The following ANKIB1 variants were observed in gnomAD, a reference collection of about 807,000 sequenced individuals.
ANKIB1 encodes the protein ankyrin repeat and IBR domain containing 1.
ANKIB1 carries 43 observed loss-of-function variants against 122.1 expected under a neutral mutation model. The observed-to-expected ratio is 0.35, with a 90% CI of 0.28 to 0.45. The LOEUF is 0.45. ANKIB1 is among the 20% of genes least tolerant of loss of function. ANKIB1 has a pLI of 1.00. For synonymous variants in ANKIB1, 390 were observed against 442.0 expected, an observed-to-expected ratio of 0.88 and a Z score of 1.48; for missense variants, 992 against 1,329.5, an observed-to-expected ratio of 0.75 and a Z score of 3.95.
At chr7:92,347,042 T>A (rs1167157847) in intron 7 of ANKIB1, among the ~76,000 whole-genome samples, 1 of 152,216 alleles carries the variant, frequency 6.6e-6, no homozygotes, top group Non-Finnish European at 1.5e-5. Context: ...ATTATCACAG[T>A]GTTTTTATAG....
At chr7:92,342,578 A>T (rs1298671598) in intron 5 of ANKIB1, among the ~76,000 whole-genome samples, 1 of 152,164 alleles carries the variant, frequency 6.6e-6, no homozygotes, top group Non-Finnish European at 1.5e-5. Flanking sequence ...GATTTTTAGG[A>T]CCTGTAATTG....
intron 9 of ANKIB1, among the ~76,000 whole-genome samples, chr7:92,356,151 C>T (rs1803808209): frequency 6.6e-6 from 1 of 152,116 alleles, no homozygotes; most frequent in South Asian, 2.1e-4. Flanking sequence ...TCAATACCTA[C>T]TTCTTTATTC....
At chr7:92,285,132 A>G (rs970158215) in intron 1 of ANKIB1, among the ~76,000 whole-genome samples, 6 of 152,126 alleles carry the variant, frequency 3.9e-5, no homozygotes, top group Non-Finnish European at 2.9e-5. Flanking sequence ...CAGTGGCACT[A>G]TCTCGGCTCA....
chr7:92,394,461 CAG>C (rs1240479892), intron 17 of ANKIB1, among the ~76,000 whole-genome samples: 2 of 152,156 alleles, frequency 1.3e-5, no homozygotes, highest in African/African-American at 4.8e-5. Flanking sequence ...AGTTTTCTGT[CAG>C]ACGATTAGAT....
chr7:92,315,002 G>A (rs1193237777), intron 3 of ANKIB1, among the ~76,000 whole-genome samples: 1 of 151,490 alleles, frequency 6.6e-6, no homozygotes, highest in African/African-American at 2.4e-5. Context: ...TAATAAGAAA[G>A]CAAGGGAAAG....
chr7:92,350,849 CCT>C (rs1281545523), intron 7 of ANKIB1, 99 bp from the exon 8 acceptor site: 2 of 1,186,816 alleles, frequency 1.7e-6, no homozygotes. Flanking sequence ...GGAATGAGAC[CCT>C]GTCTCTAAAA....
intron 5 of ANKIB1, among the ~76,000 whole-genome samples, chr7:92,328,344 T>C (rs1176069740): frequency 6.6e-6 from 1 of 152,184 alleles, no homozygotes; most frequent in East Asian, 1.9e-4. Context: ...TGGTAGCTAT[T>C]TCTCCCCATG....
chr7:92,310,360 T>G (rs1802666767), intron 3 of ANKIB1, among the ~76,000 whole-genome samples: 2 of 152,100 alleles, frequency 1.3e-5, no homozygotes, highest in African/African-American at 2.4e-5. Flanking sequence ...TTTATTCTAG[T>G]TTTTTATAAC....
intron 11 of ANKIB1, among the ~76,000 whole-genome samples, chr7:92,381,662 A>G (rs547280724): frequency 5.3e-5 from 8 of 152,336 alleles, no homozygotes; most frequent in African/African-American, 1.9e-4. Flanking sequence ...GTGAAGGAGA[A>G]ATGAAATCCT....
chr7:92,303,991 A>G (rs1203287286), intron 2 of ANKIB1, among the ~76,000 whole-genome samples: 2 of 152,046 alleles, frequency 1.3e-5, no homozygotes, highest in East Asian at 3.9e-4. Flanking sequence ...TTTTTTCCCC[A>G]GGTTAATGTT....
Position 92,396,742 on chromosome 7 carries a change from T to C in ANKIB1, c.2395+266T>C, listed in dbSNP as rs539132000. 5.9e-5 allele frequency among the ~76,000 whole-genome samples: 9 copies of C among 152,330 alleles called. No homozygotes were observed. The East Asian group carries it at 1.7e-3, about 29-fold the overall frequency. On this transcript the variant is annotated intron_variant, in intron 18 of 19. Coordinates refer to ENST00000265742, the MANE Select transcript of ANKIB1 (RefSeq NM_019004.2). The stretch of plus-strand genomic sequence containing the variant: ...CACAACCTCTCTAAGGTTGTTTCCA[T>C]ATTCTAAAGACACAATAATAATAGT...
chr7:92,291,195 G>A (rs1049165270), intron 1 of ANKIB1, among the ~76,000 whole-genome samples: 6 of 151,956 alleles, frequency 3.9e-5, no homozygotes, highest in Non-Finnish European at 8.8e-5. Context: ...TCGGGAGTCT[G>A]AGGCATGAGA....
At chr7:92,328,384 C>T (rs1388195334) in intron 5 of ANKIB1, among the ~76,000 whole-genome samples, 2 of 152,120 alleles carry the variant, frequency 1.3e-5, no homozygotes, top group Admixed American at 6.5e-5. Flanking sequence ...AAAGGGTCAC[C>T]TTGGAAATAT....
intron 1 of ANKIB1, among the ~76,000 whole-genome samples, chr7:92,277,140 G>A (rs1351574876): frequency 6.6e-6 from 1 of 152,142 alleles, no homozygotes; most frequent in Non-Finnish European, 1.5e-5. Flanking sequence ...CAGAAGTGGA[G>A]CAGATGCGGT....
chr7:92,345,927 G>A lies in ANKIB1; in HGVS notation c.1085+861G>A, dbSNP rs183967980. ...TAAACAGCTTTGTTGAGGTACAGTT[G>A]ACATACATAAAGCCACACATTTAAA... On this transcript the variant is annotated intron_variant, in intron 7 of 19. Coordinates refer to ENST00000265742, the MANE Select transcript of ANKIB1 (RefSeq NM_019004.2). 2.0e-5 allele frequency among the ~76,000 whole-genome samples: 3 copies of A among 152,056 alleles called. No individual in the cohort carries two copies. The East Asian group carries it at 5.8e-4, about 29-fold the overall frequency.
At chr7:92,275,900 G>T (rs1801892512) in intron 1 of ANKIB1, among the ~76,000 whole-genome samples, 1 of 152,000 alleles carries the variant, frequency 6.6e-6, no homozygotes, top group Non-Finnish European at 1.5e-5. Flanking sequence ...CCTGTTATAG[G>T]AGTTATCCTA....
chr7:92,396,519 T>C, intron 18 of ANKIB1, 43 bp downstream of exon 18: 1 of 961,340 alleles, frequency 1.0e-6, no homozygotes, highest in Non-Finnish European at 1.6e-6. Flanking sequence ...ATAGCTCCCC[T>C]GAATTTATCC....
chr7:92,339,139 T>A (rs1803379009), intron 5 of ANKIB1, among the ~76,000 whole-genome samples: 1 of 146,522 alleles, frequency 6.8e-6, no homozygotes. Context: ...TCTCCTGGGT[T>A]CATGCCATTC....
At chr7:92,279,263 A>G (rs1330859963) in intron 1 of ANKIB1, among the ~76,000 whole-genome samples, 1 of 152,172 alleles carries the variant, frequency 6.6e-6, no homozygotes, top group African/African-American at 2.4e-5. Context: ...CCAGGCTACA[A>G]CCTGGGGTTT....
Sources: gnomAD v4.1 joint callset for allele counts (sites outside exome capture counted in the v4.1 genomes callset) on GRCh38, gnomAD v4.1.1 for gene constraint, MANE v1.5 for transcripts, NCBI Gene and HGNC (gene_info 2026-07-23, HGNC 2026-07-21) for gene names.